Variants in SMAD3 observed in about 807,000 individuals in gnomAD.
SMAD3 encodes the protein MAD homolog 3.
A neutral mutation model predicts 51.8 loss-of-function variants in SMAD3; 12 were observed. That is an observed-to-expected ratio of 0.23 (90% CI 0.15 to 0.38). The LOEUF (loss-of-function observed/expected upper bound fraction) is 0.38, where lower values mean the gene tolerates loss of function less well. Among genes scored for constraint, SMAD3 ranks in the 10% least tolerant of loss-of-function variants. The pLI is 1.00. For missense variants in SMAD3, 294 were observed against 565.6 expected (o/e 0.52, Z 4.87); for synonymous variants, 238 against 227.7 (o/e 1.05, Z -0.41).
intron 5 of SMAD3, among the ~76,000 whole-genome samples, chr15:67,179,350 C>T (rs1962990264): frequency 6.6e-6 from 1 of 152,160 alleles, no homozygotes; most frequent in Non-Finnish European, 1.5e-5. Flanking sequence ...TGGATGTATA[C>T]TACTAGCACC....
chr15:67,125,933 G>T (rs1961375056), intron 1 of SMAD3: 1 of 985,408 alleles, frequency 1.0e-6, no homozygotes, highest in Admixed American at 6.1e-5. Flanking sequence ...CACAGGATGG[G>T]ACAACTGCAT....
At chr15:67,098,776 G>T (rs1566967543) in intron 1 of SMAD3, 1 of 652,606 alleles carries the variant, frequency 1.5e-6, no homozygotes, top group Non-Finnish European at 2.8e-6. Flanking sequence ...AAGGCAGGTG[G>T]AAGTGGGCAT....
rs190690637 is a variant in SMAD3 at position 67,147,603 on chromosome 15, A to C, written c.207-17292A>C. ...CAAAGTCCTGTGGTTCTGAGGCTGG[A>C]ATATTCTGCAAAAGGACATTTGCAC... On this transcript the variant is annotated intron_variant, in intron 1 of 8. Coordinates refer to ENST00000327367, the MANE Select transcript of SMAD3 (RefSeq NM_005902.4). Among the ~76,000 whole-genome samples, 621 of 152,208 alleles carry C rather than the reference A, an allele frequency of 4.1e-3. 7 individuals carry two copies. The highest frequency in any genetic ancestry group is 0.015 in the African/African-American group (606 of 41,520).
chr15:67,091,483 C>T (rs1032170799), intron 1 of SMAD3, among the ~76,000 whole-genome samples: 4 of 152,208 alleles, frequency 2.6e-5, no homozygotes, highest in Admixed American at 6.5e-5. Context: ...CAGGGGAAAC[C>T]GTTGTATCAT....
chr15:67,180,642 G>A (rs974669910), intron 5 of SMAD3, among the ~76,000 whole-genome samples: 2 of 151,632 alleles, frequency 1.3e-5, no homozygotes, highest in African/African-American at 2.4e-5. Context: ...AACATGGGGC[G>A]CTGTTGGGAA....
intron 1 of SMAD3, among the ~76,000 whole-genome samples, chr15:67,070,864 CT>C (rs1451878063): frequency 3.3e-5 from 5 of 152,186 alleles, no homozygotes; most frequent in Admixed American, 3.3e-4. Flanking sequence ...GCTTTTATAT[CT>C]GCACCTGTCA....
intron 1 of SMAD3, among the ~76,000 whole-genome samples, chr15:67,145,003 G>A (rs1961936553): frequency 6.6e-6 from 1 of 152,144 alleles, no homozygotes; most frequent in Non-Finnish European, 1.5e-5. Context: ...GGGGTAGGGG[G>A]TTGCCATGGG....
intron 1 of SMAD3, among the ~76,000 whole-genome samples, chr15:67,071,680 C>T (rs1354915008): frequency 6.6e-6 from 1 of 152,128 alleles, no homozygotes; most frequent in African/African-American, 2.4e-5. Context: ...AGCTTGGTGG[C>T]AGGCGCCTGT....
intron 4 of SMAD3, among the ~76,000 whole-genome samples, chr15:67,168,325 C>G (rs1459583839): frequency 6.6e-6 from 1 of 152,240 alleles, no homozygotes; most frequent in African/African-American, 2.4e-5. Context: ...CATCGTGGCA[C>G]TTTTGGGTTG....
chr15:67,184,804 T>G lies in SMAD3; in HGVS notation c.949T>G (p.Ser317Ala). The G allele has an allele frequency of 6.2e-7, 1 of 1,613,662 alleles. No homozygotes were observed. The highest frequency in any genetic ancestry group is 1.1e-5 in the South Asian group (1 of 91,048). ...CLSDSAIFVQ[S>A]PNCNQRYGWH... ...CAGTGACAGCGCTATTTTTGTCCAG[T>G]CTCCCAACTGTAACCAGCGCTATGG... Residue 317 changes from serine to alanine, a missense_variant, in exon 7 of 9, where the codon TCT becomes GCT. Around this residue, in one of 3 missense-constraint regions of SMAD3, gnomAD observed 118 missense variants for 278.0 expected, o/e 0.42. Transcript: ENST00000327367.
chr15:67,184,594 C>G (rs1269502839), intron 6 of SMAD3, 133 bp from the exon 7 acceptor site: 1 of 1,106,000 alleles, frequency 9.0e-7, no homozygotes, highest in Admixed American at 1.8e-5. Context: ...GCTTTGGGGC[C>G]CGTTTGCCTG....
intron 1 of SMAD3, among the ~76,000 whole-genome samples, chr15:67,120,757 A>G (rs1299576719): frequency 6.6e-6 from 1 of 152,224 alleles, no homozygotes; most frequent in Non-Finnish European, 1.5e-5. Flanking sequence ...CTTTAGAGCA[A>G]GCTTGTCCAC....
rs139866482 is a variant in SMAD3, at chr15:67,119,232, G to A, written c.207-45663G>A. ...ACCCTGCAGCAAGAGGAAAGGAGCA[G>A]CAGTGCTAGATGTTGCAGAGAACCC... On this transcript the variant is annotated intron_variant, in intron 1 of 8. Transcript: ENST00000327367. Among the ~76,000 whole-genome samples, 257 of 152,354 alleles carry A rather than the reference G, an allele frequency of 1.7e-3. 2 individuals are homozygous for A. Among genetic ancestry groups the A allele is most frequent in the African/African-American group, 5.8e-3 (242 of 41,574 alleles).
chr15:67,130,986 C>T (rs1321108162), intron 1 of SMAD3, among the ~76,000 whole-genome samples: 1 of 152,196 alleles, frequency 6.6e-6, no homozygotes, highest in Admixed American at 6.5e-5. Flanking sequence ...ATGCTAAGTA[C>T]TTCTCAAGCC....
At chr15:67,151,145 C>T (rs946888030) in intron 1 of SMAD3, among the ~76,000 whole-genome samples, 4 of 151,980 alleles carry the variant, frequency 2.6e-5, no homozygotes, top group Admixed American at 6.5e-5. Flanking sequence ...AGACGTGAGC[C>T]ACCACGCCAG....
chr15:67,136,841 C>G (rs1278670159), intron 1 of SMAD3, among the ~76,000 whole-genome samples: 2 of 152,238 alleles, frequency 1.3e-5, no homozygotes, highest in Admixed American at 6.5e-5. Context: ...ATGGAGATCC[C>G]TGGGCTTCTC....
At chr15:67,172,277 A>G (rs1448073283) in intron 5 of SMAD3, among the ~76,000 whole-genome samples, 12 of 151,958 alleles carry the variant, frequency 7.9e-5, no homozygotes, top group Admixed American at 7.9e-4. Flanking sequence ...CAAAGGGAGG[A>G]CCCTCCCCGA....
chr15:67,079,887 G>T (rs911981549), intron 1 of SMAD3, among the ~76,000 whole-genome samples: 9 of 152,142 alleles, frequency 5.9e-5, no homozygotes, highest in Non-Finnish European at 1.2e-4. Context: ...CAGAAACAAG[G>T]TTCAGATTAC....
chr15:67,188,457 T>C (rs1461205551), intron 8 of SMAD3, among the ~76,000 whole-genome samples: 1 of 152,144 alleles, frequency 6.6e-6, no homozygotes, highest in Non-Finnish European at 1.5e-5. Flanking sequence ...GGTTTAAACA[T>C]GGCCCTGATA....
Sources: gnomAD v4.1 joint callset for allele counts (sites outside exome capture counted in the v4.1 genomes callset) on GRCh38, gnomAD v4.1.1 for gene constraint, gnomAD v4.1.1 regional missense constraint, MANE v1.5 for transcripts, NCBI Gene and HGNC (gene_info 2026-07-23, HGNC 2026-07-21) for gene names.